SEC22C: variants seen among roughly 807,000 people sequenced by gnomAD.
The protein encoded by SEC22C is vesicle-trafficking protein SEC22c.
In SEC22C, 29 loss-of-function variants were observed where a neutral mutation model predicts 34.7. That is an observed-to-expected ratio of 0.84 (90% confidence interval 0.62 to 1.14). The LOEUF is 1.14. Among genes scored for constraint, SEC22C ranks in the 50% most tolerant of loss-of-function variants. The pLI is 0.00. For missense variants in SEC22C, 337 were observed against 369.0 expected, an observed-to-expected ratio of 0.91 and a Z score of 0.71; for synonymous variants, 117 against 132.8, an observed-to-expected ratio of 0.88 and a Z score of 0.82.
chr3:42,565,685 A>G, intron 2 of SEC22C: 1 of 306,870 alleles, frequency 3.3e-6, no homozygotes, highest in Non-Finnish European at 6.4e-6. Flanking sequence ...GCCAAGGAAA[A>G]CCAAGGATTG....
rs899113004 is a variant in SEC22C at position 42,550,937 on chromosome 3, C to T, written c.*2311G>A. 3 of 826,074 alleles carry T rather than the reference C, an allele frequency of 3.6e-6. No homozygotes were observed. Among genetic ancestry groups the T allele is most frequent in the Non-Finnish European group, 4.4e-6 (3 of 688,736 alleles). 51.2% of individuals were successfully genotyped at this position (826,074 alleles called of 1,614,324 possible). ...AGGCTGGAGTGCAGTGGCTCGATCT[C>T]GGCTCACTGCAACCTCCACCTCCCG... On this transcript the variant is annotated 3_prime_UTR_variant, in exon 7 of 7. Transcript: ENST00000264454.
At chr3:42,576,470 A>G (rs1266548086) in intron 1 of SEC22C, among the ~76,000 whole-genome samples, 2 of 152,156 alleles carry the variant, frequency 1.3e-5, no homozygotes, top group African/African-American at 4.8e-5. Flanking sequence ...ACGAACAATG[A>G]ACATATAGAA....
chr3:42,583,712 C>T (rs941326086), upstream of SEC22C, among the ~76,000 whole-genome samples: 8 of 152,086 alleles, frequency 5.3e-5, no homozygotes, highest in East Asian at 1.9e-4. Context: ...ATCTAATATG[C>T]GCAGGCACCA....
intron 1 of SEC22C, 65 bp from the exon 2 acceptor site, chr3:42,569,138 G>T: frequency 9.9e-7 from 1 of 1,009,216 alleles, no homozygotes; most frequent in Non-Finnish European, 1.5e-6. Context: ...ACCCCCACCT[G>T]TGAAATGCCC....
intron 1 of SEC22C, among the ~76,000 whole-genome samples, chr3:42,575,492 T>C (rs746159347): frequency 8.5e-5 from 13 of 152,184 alleles, no homozygotes; most frequent in Non-Finnish European, 1.5e-4. Flanking sequence ...TATCATCAGA[T>C]AGACTTCAGA....
chr3:42,554,277 G>A (rs918046585), intron 6 of SEC22C, among the ~76,000 whole-genome samples: 8 of 152,030 alleles, frequency 5.3e-5, no homozygotes, highest in Non-Finnish European at 1.0e-4. Context: ...CCAAGGTCTT[G>A]GAGACTTGTT....
At chr3:42,588,022 G>A (rs530635075) in intron 1 of SEC22C, among the ~76,000 whole-genome samples, 7 of 151,844 alleles carry the variant, frequency 4.6e-5, no homozygotes, top group Admixed American at 3.3e-4. Context: ...GCAGTGAGCC[G>A]AGATTGCACC....
At chr3:42,568,193 ACT>A (rs1306493035) in intron 2 of SEC22C, among the ~76,000 whole-genome samples, 1 of 151,846 alleles carries the variant, frequency 6.6e-6, no homozygotes, top group African/African-American at 2.4e-5. Flanking sequence ...TGGCTTTCTA[ACT>A]CTCATTATTT....
chr3:42,573,119 C>G (rs569069557), intron 1 of SEC22C, among the ~76,000 whole-genome samples: 1 of 151,850 alleles, frequency 6.6e-6, no homozygotes, highest in Non-Finnish European at 1.5e-5. Context: ...CTCAAAGTGG[C>G]GGGATTATAG....
intron 1 of SEC22C, chr3:42,600,900 A>G: frequency 1.2e-6 from 1 of 803,160 alleles, no homozygotes; most frequent in South Asian, 2.5e-5. Flanking sequence ...CGTGGCGCGG[A>G]CTTCGTCTCA....
chr3:42,562,186 T>C (rs1702962819), intron 3 of SEC22C, among the ~76,000 whole-genome samples: 1 of 152,216 alleles, frequency 6.6e-6, no homozygotes, highest in Admixed American at 6.5e-5. Flanking sequence ...TCAGTGTACT[T>C]TGACTCATTC....
chr3:42,583,555 G>A (rs890098707), upstream of SEC22C, among the ~76,000 whole-genome samples: 8 of 152,184 alleles, frequency 5.3e-5, no homozygotes, highest in Admixed American at 6.5e-5. Flanking sequence ...TTAGGATTTT[G>A]CGATGATTAG....
chr3:42,563,809 T>C lies in SEC22C; in HGVS notation c.183-123A>G. The C allele has an allele frequency of 1.3e-6, 2 of 1,547,126 alleles. 1 individual carries two copies. Among genetic ancestry groups the C allele is most frequent in the South Asian group, 2.4e-5 (2 of 84,442 alleles). ...GGCTTTAAACAGTCCTGTAGCTGTT[T>C]GCTGCAGGTATATTGTCTCTTCAGT... On this transcript the variant is annotated intron_variant, in intron 2 of 6. Transcript: ENST00000264454.
Position 42,581,894 on chromosome 3 carries a change from C to T in SEC22C, c.-76G>A, listed in dbSNP as rs1215126552. On this transcript the variant is annotated 5_prime_UTR_variant, in exon 1 of 7. Coordinates refer to ENST00000264454, the MANE Select transcript of SEC22C (RefSeq NM_032970.4). ...AAGTCGGCGCCTGCCAGCTACCCGC[C>T]GCCTCCTCAGCAATCTTAGCCGACC... is the stretch of plus-strand genomic sequence containing the variant. 1 of 152,338 alleles carries T rather than the reference C, an allele frequency of 6.6e-6. No individual in the cohort carries two copies. Among genetic ancestry groups the T allele is most frequent in the Non-Finnish European group, 1.5e-5 (1 of 68,114 alleles). The allele number at this position is 152,338 out of a possible 1,614,324, so 9.4% of individuals were successfully genotyped here. A position where few individuals can be genotyped will look rare whatever the true frequency, so the allele number is the denominator to read the frequency against.
chr3:42,561,240 C>G lies in SEC22C; in HGVS notation c.403G>C (p.Glu135Gln). Residue 135 changes from glutamate to glutamine, a missense_variant, in exon 4 of 7, where the codon GAG becomes CAG. By Grantham distance (29) the Glu-to-Gln change is conservative (BLOSUM62 2). Coordinates refer to ENST00000264454, the MANE Select transcript of SEC22C (RefSeq NM_032970.4). ...TCCTGAATTTTTTCCAAGCTGCACT[C>G]CATCTGAGAGGAACTTACATAGTTA... ...HFNYVSSSQM[E>Q]CSLEKIQEEL... 1 of 1,614,176 alleles carries G rather than the reference C, an allele frequency of 6.2e-7. No individual in the cohort carries two copies. The highest frequency in any genetic ancestry group is 8.5e-7 in the Non-Finnish European group (1 of 1,180,032).
chr3:42,569,079 G>A lies in SEC22C; in HGVS notation c.-27-6C>T. The A allele has an allele frequency of 1.3e-6, 2 of 1,593,352 alleles. No homozygotes were observed. Among genetic ancestry groups the A allele is most frequent in the South Asian group, 2.2e-5 (2 of 89,362 alleles). On this transcript the variant is annotated splice_polypyrimidine_tract_variant and splice_region_variant and intron_variant, in intron 1 of 6. Transcript: ENST00000264454. ...AAGAGAAGTCATGAGGACACCTGAG[G>A]AAAGCAAGGTCACCTTGTTACTGAG...
chr3:42,570,838 A>C (rs1381920835), intron 1 of SEC22C, among the ~76,000 whole-genome samples: 1 of 152,232 alleles, frequency 6.6e-6, no homozygotes, highest in Non-Finnish European at 1.5e-5. Flanking sequence ...AAGCCCTGAC[A>C]GACATAGGGA....
At chr3:42,569,243 T>G (rs994737608) in intron 1 of SEC22C, among the ~76,000 whole-genome samples, 170 bp from the exon 2 acceptor site, 1 of 152,234 alleles carries the variant, frequency 6.6e-6, no homozygotes, top group African/African-American at 2.4e-5. Context: ...CTCCCAACTT[T>G]CCTCCCTTCA....
intron 4 of SEC22C, among the ~76,000 whole-genome samples, chr3:42,560,014 C>T (rs1702777313): frequency 2.0e-5 from 3 of 151,646 alleles, no homozygotes; most frequent in Non-Finnish European, 4.4e-5. Context: ...CTGTCCAACG[C>T]TCTCATCCCC....
Sources: allele counts gnomAD v4.1 joint callset (sites outside exome capture counted in the v4.1 genomes callset), GRCh38; gene constraint gnomAD v4.1.1; transcripts MANE v1.5; gene names NCBI Gene and HGNC (gene_info 2026-07-23, HGNC 2026-07-21).